The following TMTC4 variants were observed in gnomAD, a reference collection of about 807,000 sequenced individuals.
TMTC4 encodes the protein transmembrane O-mannosyltransferase targeting cadherins 4.
In TMTC4, 65 loss-of-function variants were observed where a neutral mutation model predicts 86.0. The ratio of observed to expected loss-of-function variants is 0.76; its 90% CI spans 0.62 to 0.93. The LOEUF (loss-of-function observed/expected upper bound fraction) is 0.93. Ranked by LOEUF, TMTC4 falls within the 40% of genes least tolerant of loss-of-function variation. The probability of loss-of-function intolerance (pLI) is 0.00; values close to 1 mark genes in which losing one functional copy is unlikely to be tolerated. For synonymous variants in TMTC4, 379 were observed against 382.5 expected (o/e 0.99, Z 0.11); for missense variants, 866 against 948.1 (o/e 0.91, Z 1.14).
At chr13:100,648,673 A>G (rs983266993) in intron 6 of TMTC4, among the ~76,000 whole-genome samples, 3 of 152,150 alleles carry the variant, frequency 2.0e-5, no homozygotes, top group Non-Finnish European at 4.4e-5. Flanking sequence ...TAGTCACTCA[A>G]CAATTTTTGG....
Position 100,634,804 on chromosome 13 carries a change from C to T in TMTC4, c.1506+1G>A. The T allele has an allele frequency of 6.2e-7, 1 of 1,613,266 alleles. No individual in the cohort carries two copies. The highest frequency in any genetic ancestry group is 1.1e-5 in the South Asian group (1 of 90,896). ...TTAAAAGAAATCTGGCAGCTAGGTACCTTAGCATTGAGGGGACACACAGAC... is the reference window on the plus strand; with the variant it reads ...TTAAAAGAAATCTGGCAGCTAGGTATCTTAGCATTGAGGGGACACACAGAC... On this transcript the variant is annotated splice_donor_variant, in intron 12 of 18. Coordinates refer to ENST00000342624, the MANE Select transcript of TMTC4 (RefSeq NM_032813.5). LOFTEE classifies it high-confidence loss of function.
At chr13:100,656,150 C>A (rs1479177971) in intron 6 of TMTC4, among the ~76,000 whole-genome samples, 1 of 152,190 alleles carries the variant, frequency 6.6e-6, no homozygotes, top group Non-Finnish European at 1.5e-5. Flanking sequence ...GTCTCAATAC[C>A]TAATAGGATA....
chr13:100,666,633 A>ATGT (rs1311087892), intron 3 of TMTC4, among the ~76,000 whole-genome samples: 2 of 152,222 alleles, frequency 1.3e-5, no homozygotes, highest in Non-Finnish European at 2.9e-5. Flanking sequence ...TTCTCACCAA[A>ATGT]ATGAATAATG....
chr13:100,649,505 A>T (rs1309964974), intron 6 of TMTC4, among the ~76,000 whole-genome samples: 6 of 152,326 alleles, frequency 3.9e-5, no homozygotes, highest in African/African-American at 1.2e-4. Flanking sequence ...GACAGGTAAT[A>T]GTAGGCCACT....
intron 15 of TMTC4, chr13:100,623,877 A>G (rs897760921): frequency 4.0e-6 from 2 of 495,254 alleles, no homozygotes; most frequent in African/African-American, 2.0e-5. Flanking sequence ...AGATGCACCC[A>G]CTATTCTCTT....
intron 5 of TMTC4, 79 bp from the exon 6 acceptor site, chr13:100,656,547 T>A: frequency 1.3e-6 from 1 of 759,142 alleles, no homozygotes. Flanking sequence ...CATAACTTTT[T>A]TTTTTTTTTT....
rs957041714 is a variant in TMTC4 at position 100,661,271 on chromosome 13, G to A, written c.552+1693C>T. On this transcript the variant is annotated intron_variant, in intron 5 of 18. Transcript: ENST00000342624. Reference sequence around the variant, plus strand: ...CAGGTTGCATTTACCTGGAATGTGCGTGTGTGTGAGAGAGAATGTGTGCGT... The same window carrying A: ...CAGGTTGCATTTACCTGGAATGTGCATGTGTGTGAGAGAGAATGTGTGCGT... 5.3e-5 allele frequency among the ~76,000 whole-genome samples: 8 copies of A among 152,166 alleles called. No individual in the cohort carries two copies. In the East Asian group the frequency reaches 7.7e-4, roughly 15 times the overall value.
intron 6 of TMTC4, among the ~76,000 whole-genome samples, chr13:100,648,769 T>C (rs1159413136): frequency 6.6e-6 from 1 of 152,234 alleles, no homozygotes; most frequent in Non-Finnish European, 1.5e-5. Flanking sequence ...AGCCTTGACC[T>C]CCCAGGCTCA....
At position 100,614,302 on chromosome 13, in the gene TMTC4, C is replaced by A. The variant is rs745402048; in HGVS notation, c.1951+14G>T. On this transcript the variant is annotated intron_variant, in intron 16 of 18. Transcript: ENST00000342624. ...AGCCATTTCCTGTGATTTGTTCCAT[C>A]CAGCTTTCTGTACCTGTATTGTCGA... 4.4e-6 allele frequency: 7 copies of A among 1,599,748 alleles called. No homozygotes were observed. In the East Asian group the frequency reaches 1.1e-4, roughly 26 times the overall value.
Position 100,664,329 on chromosome 13 carries a change from T to C in TMTC4, c.227A>G (p.Gln76Arg), listed in dbSNP as rs770575722. 1 of 1,608,000 alleles carries C rather than the reference T, an allele frequency of 6.2e-7. No individual in the cohort carries two copies. Among genetic ancestry groups the C allele is most frequent in the African/African-American group, 1.3e-5 (1 of 74,558 alleles). Residue 76 changes from glutamine (Q) to arginine (R), a missense_variant, in exon 4 of 19, where the codon CAA becomes CGA. Transcript: ENST00000342624. Reference protein sequence around the residue: ...SEAIVNNKDLQAETPLGDLWH... With the variant: ...SEAIVNNKDLRAETPLGDLWH... ...CAGGTCCCCCAGGGGCGTTTCTGCT[T>C]GGAGGTCCTGCAGGGTCACAAAGGG...
In TMTC4 at chr13:100,614,388, T is replaced by C. The variant is rs1360483413; in HGVS notation, c.1879A>G (p.Arg627Gly). Residue 627 changes from arginine (R) to glycine (G), a missense_variant, in exon 16 of 19, where the codon AGA becomes GGA. Arg to Gly is a moderately radical substitution (Grantham distance 125, BLOSUM62 -2). Coordinates refer to ENST00000342624, the MANE Select transcript of TMTC4 (RefSeq NM_032813.5). The part of the protein sequence containing the change: ...NRHVDALNAW[R>G]NATVLKPEHS... ...TCTGGTTTCAGCACGGTGGCATTTC[T>C]CCACGCATTCAAGGCATCCACGTGG... 3 of 1,613,604 alleles carry C rather than the reference T, an allele frequency of 1.9e-6. No homozygotes were observed. In the Admixed American group the frequency reaches 5.0e-5, roughly 27 times the overall value.
At chr13:100,616,452 C>T (rs1181027019) in intron 15 of TMTC4, among the ~76,000 whole-genome samples, 3 of 152,150 alleles carry the variant, frequency 2.0e-5, no homozygotes, top group Admixed American at 6.5e-5. Context: ...CCACCTGCCT[C>T]GGACTTCCAA....
chr13:100,616,122 T>C (rs908706327), intron 15 of TMTC4, among the ~76,000 whole-genome samples: 2 of 152,306 alleles, frequency 1.3e-5, no homozygotes. Flanking sequence ...ACATTTTCTT[T>C]TTCCAATCTA....
chr13:100,654,808 G>A (rs1200413797), intron 6 of TMTC4, among the ~76,000 whole-genome samples: 1 of 152,018 alleles, frequency 6.6e-6, no homozygotes, highest in Non-Finnish European at 1.5e-5. Context: ...GTAGTGACAG[G>A]TTCTATCATA....
intron 5 of TMTC4, among the ~76,000 whole-genome samples, chr13:100,659,688 C>T (rs755263276): frequency 5.3e-5 from 8 of 151,560 alleles, no homozygotes; most frequent in Non-Finnish European, 1.0e-4. Context: ...GTTTGGGTGT[C>T]TACAAACCAC....
chr13:100,630,167 C>T (rs1349011114), intron 12 of TMTC4, among the ~76,000 whole-genome samples: 2 of 152,024 alleles, frequency 1.3e-5, no homozygotes, highest in Admixed American at 1.3e-4. Flanking sequence ...CTGAACACTG[C>T]TTCCAAATGA....
chr13:100,661,592 T>C (rs1254279264), intron 5 of TMTC4, among the ~76,000 whole-genome samples: 3 of 152,184 alleles, frequency 2.0e-5, no homozygotes, highest in Non-Finnish European at 4.4e-5. Flanking sequence ...CGGTCACAGT[T>C]ATATATAAAG....
chr13:100,646,489 C>G (rs979757618), intron 6 of TMTC4, among the ~76,000 whole-genome samples: 1 of 152,204 alleles, frequency 6.6e-6, no homozygotes, highest in Non-Finnish European at 1.5e-5. Flanking sequence ...AGGGGGCCAC[C>G]TGGCCTCGAC....
chr13:100,651,390 TTTTG>T (rs992959757), intron 6 of TMTC4, among the ~76,000 whole-genome samples: 6 of 151,964 alleles, frequency 3.9e-5, no homozygotes, highest in East Asian at 1.9e-4. Flanking sequence ...CACTAGTGTT[TTTTG>T]TTTGTTTGTT....
Sources: gnomAD v4.1 joint callset for allele counts (sites outside exome capture counted in the v4.1 genomes callset) on GRCh38, gnomAD v4.1.1 for gene constraint, MANE v1.5 for transcripts, NCBI Gene and HGNC (gene_info 2026-07-23, HGNC 2026-07-21) for gene names.